Variants in DAGLB observed in about 807,000 individuals in gnomAD.
The protein encoded by DAGLB is diacylglycerol lipase beta, also known as diacylglycerol lipase-beta.
In DAGLB, 66 loss-of-function variants were observed where a neutral mutation model predicts 72.1. That is an observed-to-expected ratio of 0.92 (90% CI 0.75 to 1.12). The LOEUF is 1.12. Ranked by LOEUF, DAGLB falls within the 50% of genes most tolerant of loss-of-function variation. DAGLB has a pLI of 0.00. For missense variants in DAGLB, 1,065 were observed against 884.9 expected, an observed-to-expected ratio of 1.20 and a Z score of -2.58; for synonymous variants, 414 against 359.5, an observed-to-expected ratio of 1.15 and a Z score of -1.71.
At position 6,413,122 on chromosome 7, in the gene DAGLB, G is replaced by T. The variant is rs1464868604; in HGVS notation, c.1428-88C>A. 6.4e-6 allele frequency: 9 copies of T among 1,402,542 alleles called. No individual in the cohort carries two copies. In the East Asian group the frequency reaches 1.5e-4, roughly 23 times the overall value. 86.9% of individuals were successfully genotyped at this position (1,402,542 alleles called of 1,614,324 possible). A position where few individuals can be genotyped will look rare whatever the true frequency, so the allele number is the denominator to read the frequency against. ...TGAAAGAAATCAGTAACACTGAGGG[G>T]TTAGGTTCCCAGGCCTCAGCTCTGT... is the stretch of plus-strand genomic sequence containing the variant. On this transcript the variant is annotated intron_variant, in intron 11 of 14. Transcript: ENST00000297056.
At chr7:6,421,874 C>G (rs1187101347) in intron 8 of DAGLB, 70 bp from the exon 9 acceptor site, 34 of 1,528,448 alleles carry the variant, frequency 2.2e-5, no homozygotes, top group Non-Finnish European at 3.1e-5. Context: ...ACAGGTGGTC[C>G]CTGCTCCTGA....
chr7:6,414,173 G>C (rs996049924), intron 11 of DAGLB, among the ~76,000 whole-genome samples: 12 of 151,940 alleles, frequency 7.9e-5, no homozygotes, highest in African/African-American at 2.9e-4. Context: ...ACCACGCCCA[G>C]CTAATTTTTT....
chr7:6,426,645 A>T (rs1784319579), intron 6 of DAGLB, among the ~76,000 whole-genome samples: 1 of 152,186 alleles, frequency 6.6e-6, no homozygotes, highest in South Asian at 2.1e-4. Flanking sequence ...CATCATGTTA[A>T]TGATTTCTAT....
chr7:6,437,311 A>G (rs1784696936), intron 2 of DAGLB, among the ~76,000 whole-genome samples: 1 of 152,034 alleles, frequency 6.6e-6, no homozygotes, highest in South Asian at 2.1e-4. Context: ...TGAGACCTAC[A>G]TTGTTCTAGA....
intron 8 of DAGLB, among the ~76,000 whole-genome samples, chr7:6,423,194 G>C (rs548525810): frequency 5.3e-5 from 8 of 152,304 alleles, no homozygotes; most frequent in African/African-American, 1.2e-4. Context: ...GGAGGCTGCA[G>C]TGAGCTGACT....
At chr7:6,410,880 A>G (rs863210) in intron 13 of DAGLB, among the ~76,000 whole-genome samples, 3 of 98,202 alleles carry the variant, frequency 3.1e-5, no homozygotes, top group South Asian at 3.5e-4. Context: ...AATTTTTTGT[A>G]TTTTTTTTTT....
At chr7:6,446,707 T>C (rs1785015842) in intron 1 of DAGLB, among the ~76,000 whole-genome samples, 1 of 150,962 alleles carries the variant, frequency 6.6e-6, no homozygotes, top group Non-Finnish European at 1.5e-5. Context: ...GGAATATAAT[T>C]GCCAACAATA....
At chr7:6,445,312 T>C (rs1457625039) in intron 2 of DAGLB, among the ~76,000 whole-genome samples, 2 of 152,204 alleles carry the variant, frequency 1.3e-5, no homozygotes, top group African/African-American at 2.4e-5. Context: ...GAAGTACTGA[T>C]ACATGCTAAA....
At chr7:6,423,126 C>T (rs562493433) in intron 8 of DAGLB, among the ~76,000 whole-genome samples, 32 of 152,268 alleles carry the variant, frequency 2.1e-4, no homozygotes, top group African/African-American at 7.7e-4. Flanking sequence ...GTGGCACATG[C>T]CTGTATTCCC....
intron 1 of DAGLB, among the ~76,000 whole-genome samples, 163 bp downstream of exon 1, chr7:6,447,585 C>CCCGAAG (rs1486438620): frequency 3.3e-5 from 5 of 152,180 alleles, no homozygotes; most frequent in African/African-American, 1.2e-4. Context: ...AGCACCACTG[C>CCCGAAG]CCACCTCTTC....
chr7:6,416,417 T>C (rs1222637589), intron 11 of DAGLB: 9 of 533,662 alleles, frequency 1.7e-5, no homozygotes, highest in Middle Eastern at 5.4e-4. Flanking sequence ...CTGGCGGGTG[T>C]CTGTAGTCCC....
At position 6,412,009 on chromosome 7, in the gene DAGLB, G is replaced by A. The variant is rs1259006131; in HGVS notation, c.1569+802C>T. On this transcript the variant is annotated intron_variant, in intron 13 of 14. Transcript: ENST00000297056. ...TGGCTTATGCAACCTCGGCCTCCTG[G>A]GTTCAAGCGATTCTTCTGCCTCAGC... Among the ~76,000 whole-genome samples, 3 of 152,130 alleles carry A rather than the reference G, an allele frequency of 2.0e-5. No homozygotes were observed. The East Asian group carries it at 5.8e-4, about 29-fold the overall frequency.
Position 6,416,899 on chromosome 7 carries a change from T to G in DAGLB, c.1241A>C (p.Tyr414Ser). ...GTCGTTGATGAGTCGTTGGTAAACG[T>G]ATCTGGCAGCTTGAGAAATACCCTA... ...AHKGISQAARYVYQRLINDGI... is the reference protein window; with the variant it reads ...AHKGISQAARSVYQRLINDGI... The change falls in exon 10 of 15, where the codon TAC becomes TCC. Residue 414 changes from tyrosine to serine, a missense_variant. Coordinates refer to ENST00000297056, the MANE Select transcript of DAGLB (RefSeq NM_139179.4). 1 of 1,614,188 alleles carries G rather than the reference T, an allele frequency of 6.2e-7. No homozygotes were observed. The highest frequency in any genetic ancestry group is 8.5e-7 in the Non-Finnish European group (1 of 1,180,032).
intron 11 of DAGLB, 54 bp from the exon 12 acceptor site, chr7:6,413,088 G>T: frequency 6.4e-7 from 1 of 1,574,374 alleles, no homozygotes; most frequent in Non-Finnish European, 8.7e-7. Flanking sequence ...CTGCCCACAA[G>T]GGCTTCCATG....
At chr7:6,419,034 A>T (rs1025700841) in intron 9 of DAGLB, among the ~76,000 whole-genome samples, 4 of 150,024 alleles carry the variant, frequency 2.7e-5, no homozygotes, top group Non-Finnish European at 5.9e-5. Flanking sequence ...ATATAAGAAA[A>T]TTTTTAAAAA....
At chr7:6,445,694 C>A (rs539777641) in intron 2 of DAGLB, 1 of 289,186 alleles carries the variant, frequency 3.5e-6, no homozygotes, top group East Asian at 6.8e-5. Context: ...TGCTCCTGGC[C>A]TCAAGTGATC....
intron 6 of DAGLB, among the ~76,000 whole-genome samples, chr7:6,427,226 C>T (rs1784342870): frequency 6.6e-6 from 1 of 152,182 alleles, no homozygotes; most frequent in African/African-American, 2.4e-5. Flanking sequence ...TATAGCAATT[C>T]TGAAACTATT....
chr7:6,436,028 T>C (rs1784644556), intron 3 of DAGLB, among the ~76,000 whole-genome samples: 2 of 152,036 alleles, frequency 1.3e-5, no homozygotes, highest in Non-Finnish European at 2.9e-5. Flanking sequence ...GTTTTGGTCT[T>C]TGGTTTTCTT....
intron 2 of DAGLB, among the ~76,000 whole-genome samples, chr7:6,437,094 C>A (rs774975246): frequency 1.3e-5 from 2 of 150,634 alleles, no homozygotes; most frequent in Non-Finnish European, 3.0e-5. Context: ...GCGGAGGTTG[C>A]AGTGAGCTGA....
Sources: gnomAD v4.1 joint callset for allele counts (sites outside exome capture counted in the v4.1 genomes callset) on GRCh38, gnomAD v4.1.1 for gene constraint, MANE v1.5 for transcripts, NCBI Gene and HGNC (gene_info 2026-07-23, HGNC 2026-07-21) for gene names.